PTPN3: variants seen among roughly 807,000 people sequenced by gnomAD.
PTPN3 encodes the protein tyrosine-protein phosphatase non-receptor type 3.
Under a neutral mutation model 132.7 loss-of-function variants are expected in PTPN3, and 96 were observed. That is an observed-to-expected ratio of 0.72 (90% CI 0.61 to 0.86). The LOEUF (loss-of-function observed/expected upper bound fraction) is 0.86. Ranked by LOEUF, PTPN3 falls within the 40% of genes least tolerant of loss-of-function variation. PTPN3 has a pLI of 0.00. For synonymous variants in PTPN3, 398 were observed against 429.0 expected, an observed-to-expected ratio of 0.93 and a Z score of 0.89; for missense variants, 1,125 against 1,159.6, an observed-to-expected ratio of 0.97 and a Z score of 0.43.
At chr9:109,452,036 G>A (rs34254651) in intron 5 of PTPN3, among the ~76,000 whole-genome samples, 6 of 152,088 alleles carry the variant, frequency 3.9e-5, no homozygotes, top group Admixed American at 2.6e-4. Context: ...TTGGGAGGCC[G>A]AGGCGGGCAG....
intron 19 of PTPN3, among the ~76,000 whole-genome samples, chr9:109,393,670 C>T (rs567416073): frequency 1.3e-3 from 200 of 151,982 alleles, no homozygotes; most frequent in African/African-American, 4.7e-3. Flanking sequence ...TTTTGAGTTT[C>T]GATACATATA....
chr9:109,410,489 G>T, intron 14 of PTPN3, 74 bp from the exon 15 acceptor site: 22 of 1,491,204 alleles, frequency 1.5e-5, no homozygotes, highest in Non-Finnish European at 1.9e-5. Context: ...CTGACTGTAG[G>T]GGCCTGGCAG....
At chr9:109,379,691 ACCCTGT>A (rs947235247) in intron 25 of PTPN3, 58 bp from the exon 26 acceptor site, 14 of 1,408,522 alleles carry the variant, frequency 9.9e-6, no homozygotes, top group Middle Eastern at 3.5e-4. Flanking sequence ...TGCCTACCAC[ACCCTGT>A]ACCGGTGGGT....
At chr9:109,489,646 G>A (rs1847367466) in intron 1 of PTPN3, among the ~76,000 whole-genome samples, 1 of 152,106 alleles carries the variant, frequency 6.6e-6, no homozygotes, top group African/African-American at 2.4e-5. Flanking sequence ...TGTGAAGTCA[G>A]TGCTGCAGTT....
chr9:109,477,651 GTTAA>G (rs1354816466), intron 1 of PTPN3, among the ~76,000 whole-genome samples: 1 of 152,246 alleles, frequency 6.6e-6, no homozygotes, highest in Non-Finnish European at 1.5e-5. Flanking sequence ...CCGTCCCTGG[GTTAA>G]TTATTAGCAG....
At chr9:109,534,732 G>A in the PTPN3 span, among the ~76,000 whole-genome samples, 3 of 151,968 alleles carry the variant, frequency 2.0e-5, no homozygotes, top group Non-Finnish European at 2.9e-5. Flanking sequence ...AACCCGGGAG[G>A]CCGAGGTTGC....
intron 14 of PTPN3, chr9:109,417,539 TTTTTTTC>T: frequency 1.0e-6 from 1 of 967,082 alleles, no homozygotes. Context: ...CAGGTTTTTT[TTTTTTTC>T]TTTTTTTCTC....
At chr9:109,409,026 C>T (rs1312152138) in intron 16 of PTPN3, among the ~76,000 whole-genome samples, 3 of 151,720 alleles carry the variant, frequency 2.0e-5, no homozygotes, top group Non-Finnish European at 4.4e-5. Context: ...GACCACCTGC[C>T]CTCACTTTGT....
chr9:109,502,575 T>C (rs887011075), upstream of PTPN3, among the ~76,000 whole-genome samples: 1 of 152,050 alleles, frequency 6.6e-6, no homozygotes, highest in Non-Finnish European at 1.5e-5. Context: ...GTGGGAGGAT[T>C]GCTTGAGGAC....
intron 22 of PTPN3, among the ~76,000 whole-genome samples, chr9:109,386,737 T>C (rs1839613354): frequency 6.6e-6 from 1 of 152,180 alleles, no homozygotes; most frequent in Admixed American, 6.5e-5. Context: ...GGTACCAGTC[T>C]CAAGGTGAGA....
Position 109,389,298 on chromosome 9 carries a change from G to GTGCAC in PTPN3, c.2187_2188insGTGCA (p.Gln730ValfsTer16). On this transcript the variant is annotated frameshift_variant, in exon 22 of 26. Coordinates refer to ENST00000374541, the MANE Select transcript of PTPN3 (RefSeq NM_002829.4). LOFTEE classifies it high-confidence loss of function. The stretch of plus-strand genomic sequence containing the variant: ...GACAACTTCTGATCCCAGACAACCT[G>GTGCAC]CCAAAACTGTGCACAGGTATGCGGC... The GTGCAC allele has an allele frequency of 6.2e-7, 1 of 1,614,154 alleles. No homozygotes were observed. Among genetic ancestry groups the GTGCAC allele is most frequent in the Non-Finnish European group, 8.5e-7 (1 of 1,180,034 alleles).
chr9:109,483,613 C>T lies in PTPN3; in HGVS notation c.-18+14606G>A, dbSNP rs181322451. 7.0e-4 allele frequency among the ~76,000 whole-genome samples: 106 copies of T among 152,232 alleles called. 2 individuals carry two copies. Among genetic ancestry groups the T allele is most frequent in the Non-Finnish European group, 2.8e-4 (19 of 68,020 alleles). ...TCTAAGGAGGATATAACTGTGAAGC[C>T]AGACTGTGAGGGATGAGATATCAAG... On this transcript the variant is annotated intron_variant, in intron 1 of 25. Coordinates refer to ENST00000374541, the MANE Select transcript of PTPN3 (RefSeq NM_002829.4).
chr9:109,488,026 T>C (rs1016768691), intron 1 of PTPN3, among the ~76,000 whole-genome samples: 1 of 152,002 alleles, frequency 6.6e-6, no homozygotes, highest in African/African-American at 2.4e-5. Flanking sequence ...TGCTCTGTCC[T>C]GTAAAAAGTG....
chr9:109,485,474 C>T (rs1290635179), intron 1 of PTPN3, among the ~76,000 whole-genome samples: 3 of 152,038 alleles, frequency 2.0e-5, no homozygotes, highest in Non-Finnish European at 4.4e-5. Flanking sequence ...CGCCACTGCA[C>T]TCCAGCCTGG....
At chr9:109,466,950 T>C (rs1191227005) in intron 1 of PTPN3, among the ~76,000 whole-genome samples, 2 of 152,070 alleles carry the variant, frequency 1.3e-5, no homozygotes, top group Admixed American at 6.5e-5. Flanking sequence ...CTCATATCAT[T>C]ATATTTAAGG....
At chr9:109,501,139 G>C (rs772985016), upstream of PTPN3, among the ~76,000 whole-genome samples, 1 of 152,110 alleles carries the variant, frequency 6.6e-6, no homozygotes, top group Non-Finnish European at 1.5e-5. Flanking sequence ...TTCTTGTTTT[G>C]TGTATATCCA....
chr9:109,397,707 C>T (rs1183053099), intron 19 of PTPN3: 1 of 152,200 alleles, frequency 6.6e-6, no homozygotes, highest in Non-Finnish European at 1.5e-5. Context: ...CCTTTCCAGG[C>T]ACAGTCCCAG....
the PTPN3 span, chr9:109,533,785 A>G: frequency 8.3e-7 from 1 of 1,204,012 alleles, no homozygotes; most frequent in Non-Finnish European, 1.2e-6. Context: ...GGCGTGGTTG[A>G]GCCTGGCCTT....
At chr9:109,465,168 A>T (rs1245579999) in intron 1 of PTPN3, among the ~76,000 whole-genome samples, 1 of 152,244 alleles carries the variant, frequency 6.6e-6, no homozygotes, top group African/African-American at 2.4e-5. Flanking sequence ...AACAGTAAGG[A>T]AACTGGTTTA....
Sources: allele counts gnomAD v4.1 joint callset (sites outside exome capture counted in the v4.1 genomes callset), GRCh38; gene constraint gnomAD v4.1.1; transcripts MANE v1.5; gene names NCBI Gene and HGNC (gene_info 2026-07-23, HGNC 2026-07-21).